Variants in KATNAL1 observed in about 807,000 individuals in gnomAD.
The protein encoded by KATNAL1 is katanin p60 ATPase-containing subunit A-like 1.
Under a neutral mutation model 55.2 loss-of-function variants are expected in KATNAL1, and 32 were observed. The observed-to-expected ratio is 0.58, with a 90% confidence interval of 0.44 to 0.78. The LOEUF is 0.78. Among genes scored for constraint, KATNAL1 ranks in the 30% least tolerant of loss-of-function variants. KATNAL1 has a pLI of 0.00. For synonymous variants in KATNAL1, 193 were observed against 193.6 expected, an observed-to-expected ratio of 1.00 and a Z score of 0.02; for missense variants, 466 against 600.9, an observed-to-expected ratio of 0.78 and a Z score of 2.35.
intron 2 of KATNAL1, among the ~76,000 whole-genome samples, chr13:30,282,375 C>T (rs867810155): frequency 6.6e-6 from 1 of 152,132 alleles, no homozygotes; most frequent in Non-Finnish European, 1.5e-5. Context: ...CAGTGGCTCA[C>T]ACATGTAATA....
At chr13:30,304,385 T>C (rs1373551121) in intron 1 of KATNAL1, among the ~76,000 whole-genome samples, 1 of 151,790 alleles carries the variant, frequency 6.6e-6, no homozygotes, top group African/African-American at 2.4e-5. Context: ...TTCTCCTGCC[T>C]CAGCCTCCTG....
At chr13:30,226,971 A>T (rs1406312229) in intron 9 of KATNAL1, among the ~76,000 whole-genome samples, 1 of 152,098 alleles carries the variant, frequency 6.6e-6, no homozygotes, top group Non-Finnish European at 1.5e-5. Flanking sequence ...AGCTATTTGG[A>T]AGGCTAAGGC....
At position 30,206,005 on chromosome 13, in the gene KATNAL1, A is replaced by C. The variant is rs1873114041; in HGVS notation, c.*2535T>G. On this transcript the variant is annotated 3_prime_UTR_variant, in exon 11 of 11. Transcript: ENST00000380615. Reference sequence around the variant, plus strand: ...GTGTTGTATATTAAAAGTTAGGGCCAGGTGCGGTGGATCACACCTGTAATC... The same window carrying C: ...GTGTTGTATATTAAAAGTTAGGGCCCGGTGCGGTGGATCACACCTGTAATC... 6.8e-6 allele frequency: 1 copy of C among 147,176 alleles called. No homozygotes were observed. The highest frequency in any genetic ancestry group is 2.5e-5 in the African/African-American group (1 of 39,782). 9.1% of individuals were successfully genotyped at this position (147,176 alleles called of 1,614,324 possible). A position where few individuals can be genotyped will look rare whatever the true frequency, so the allele number is the denominator to read the frequency against.
chr13:30,217,378 CAG>C (rs1005483555), intron 9 of KATNAL1, among the ~76,000 whole-genome samples: 15 of 152,140 alleles, frequency 9.9e-5, no homozygotes, highest in Non-Finnish European at 2.1e-4. Context: ...GGCGTGAACT[CAG>C]GGGGCGGAGC....
intron 1 of KATNAL1, among the ~76,000 whole-genome samples, chr13:30,304,840 C>T (rs1883083041): frequency 6.6e-6 from 1 of 152,170 alleles, no homozygotes; most frequent in African/African-American, 2.4e-5. Flanking sequence ...TCTCAATCAA[C>T]GGATTCACTA....
chr13:30,211,345 T>C (rs1213396569), intron 9 of KATNAL1, among the ~76,000 whole-genome samples: 1 of 152,214 alleles, frequency 6.6e-6, no homozygotes, highest in Non-Finnish European at 1.5e-5. Flanking sequence ...AATTGAGCGC[T>C]AGCTGCAGGC....
At chr13:30,219,278 G>C (rs958523547) in intron 9 of KATNAL1, among the ~76,000 whole-genome samples, 1 of 151,546 alleles carries the variant, frequency 6.6e-6, no homozygotes, top group African/African-American at 2.4e-5. Flanking sequence ...TCTCTTCCAG[G>C]CCTTTTTATC....
At position 30,204,779 on chromosome 13, in the gene KATNAL1, A is replaced by G. The variant is rs1416782149; in HGVS notation, c.*3761T>C. 1 of 152,212 alleles carries G rather than the reference A, an allele frequency of 6.6e-6. No homozygotes were observed. The highest frequency in any genetic ancestry group is 1.5e-5 in the Non-Finnish European group (1 of 68,030). The allele number at this position is 152,212 out of a possible 1,614,324, so 9.4% of individuals were successfully genotyped here. A position where few individuals can be genotyped will look rare whatever the true frequency, so the allele number is the denominator to read the frequency against. The stretch of plus-strand genomic sequence containing the variant: ...GAGTGAAATATGACATCACAATCTC[A>G]GAAGCTGAAATTAAGCCCTGAGCTA... On this transcript the variant is annotated 3_prime_UTR_variant, in exon 11 of 11. Coordinates refer to ENST00000380615, the MANE Select transcript of KATNAL1 (RefSeq NM_032116.5).
chr13:30,236,063 G>A (rs776023835), intron 6 of KATNAL1, among the ~76,000 whole-genome samples: 1 of 152,164 alleles, frequency 6.6e-6, no homozygotes, highest in African/African-American at 2.4e-5. Flanking sequence ...GATAGGCTAA[G>A]GAGGAGAAGG....
At chr13:30,264,624 G>C (rs532719951) in intron 3 of KATNAL1, among the ~76,000 whole-genome samples, 1 of 147,074 alleles carries the variant, frequency 6.8e-6, no homozygotes, top group East Asian at 2.0e-4. Context: ...ATGAAAAAAT[G>C]CTCATCATCA....
chr13:30,246,348 A>G (rs1168199610), intron 4 of KATNAL1, among the ~76,000 whole-genome samples: 2 of 152,246 alleles, frequency 1.3e-5, no homozygotes, highest in African/African-American at 4.8e-5. Flanking sequence ...CATATGCAGA[A>G]AACTGAAACT....
rs368435407 is a variant in KATNAL1, at chr13:30,274,907, GCACACACACACACACA to G, written c.323+5140_323+5155del. ...CACACACATACGCGCGCGCGCGCGC[GCACACACACACACACA>G]CACACACACACACACACACACACAC... On this transcript the variant is annotated intron_variant, in intron 3 of 10. Transcript: ENST00000380615. 1.6e-3 allele frequency among the ~76,000 whole-genome samples: 165 copies of G among 105,430 alleles called. 1 individual carries two copies. Among genetic ancestry groups the G allele is most frequent in the African/African-American group, 5.0e-3 (123 of 24,706 alleles). 69.2% of individuals were successfully genotyped at this position (105,430 alleles called of 152,430 possible).
rs543009247 is a variant in KATNAL1, at chr13:30,209,366, T to C, written c.1275-628A>G. Among the ~76,000 whole-genome samples, 40 of 152,356 alleles carry C rather than the reference T, an allele frequency of 2.6e-4. 1 individual carries two copies. The highest frequency in any genetic ancestry group is 2.6e-3 in the Admixed American group (40 of 15,308). Reference sequence around the variant, plus strand: ...ATTAGGAAGGCCAAGCCAACAAAAATGTCAAGTTCTTAAATATTTTGCTAT... The same window carrying C: ...ATTAGGAAGGCCAAGCCAACAAAAACGTCAAGTTCTTAAATATTTTGCTAT... On this transcript the variant is annotated intron_variant, in intron 10 of 10. Coordinates refer to ENST00000380615, the MANE Select transcript of KATNAL1 (RefSeq NM_032116.5).
Position 30,247,362 on chromosome 13 carries a change from T to G in KATNAL1, c.493-6276A>C, listed in dbSNP as rs138100068. On this transcript the variant is annotated intron_variant, in intron 4 of 10. Coordinates refer to ENST00000380615, the MANE Select transcript of KATNAL1 (RefSeq NM_032116.5). ...ATCATGCCCTGCATTTGAGTGTTAA[T>G]ACATTTAAATTGAAATTATGAATCC... is the stretch of plus-strand genomic sequence containing the variant. 1.1e-3 allele frequency among the ~76,000 whole-genome samples: 165 copies of G among 152,338 alleles called. 1 individual carries two copies. The highest frequency in any genetic ancestry group is 3.7e-3 in the African/African-American group (154 of 41,578).
chr13:30,225,593 CCTT>C (rs1353687906), intron 9 of KATNAL1, among the ~76,000 whole-genome samples: 1 of 151,218 alleles, frequency 6.6e-6, no homozygotes, highest in African/African-American at 2.4e-5. Context: ...AAAGAAAACT[CCTT>C]TCAGTAAGTG....
chr13:30,233,336 T>C (rs1436211255), intron 6 of KATNAL1, among the ~76,000 whole-genome samples: 1 of 151,992 alleles, frequency 6.6e-6, no homozygotes, highest in Admixed American at 6.6e-5. Context: ...CATACAAATG[T>C]CCAATAGATA....
At chr13:30,239,890 T>TG (rs1287390917) in intron 6 of KATNAL1, among the ~76,000 whole-genome samples, 1 of 152,122 alleles carries the variant, frequency 6.6e-6, no homozygotes, top group Non-Finnish European at 1.5e-5. Flanking sequence ...TTCACCATGT[T>TG]GGGCAGGATG....
chr13:30,273,423 A>AAAGTACT (rs1330815495), intron 3 of KATNAL1, among the ~76,000 whole-genome samples: 1 of 152,328 alleles, frequency 6.6e-6, no homozygotes, highest in East Asian at 1.9e-4. Context: ...CTCATTTGAT[A>AAAGTACT]AAGTAACTTA....
chr13:30,231,502 T>A (rs867641126), intron 6 of KATNAL1, 30 bp from the exon 7 acceptor site: 2 of 1,422,748 alleles, frequency 1.4e-6, no homozygotes, highest in Non-Finnish European at 1.9e-6. Flanking sequence ...ATTAAATGAT[T>A]TATCAGATTA....
Sources: allele counts gnomAD v4.1 joint callset (sites outside exome capture counted in the v4.1 genomes callset), GRCh38; gene constraint gnomAD v4.1.1; transcripts MANE v1.5; gene names NCBI Gene and HGNC (gene_info 2026-07-23, HGNC 2026-07-21).